LY75: variants seen among roughly 807,000 people sequenced by gnomAD.
LY75 encodes the protein lymphocyte antigen 75, also known as C-type lectin domain family 13 member B.
LY75 carries 185 observed loss-of-function variants against 231.7 expected under a neutral mutation model. That is an observed-to-expected ratio of 0.80 (90% CI 0.71 to 0.90). The LOEUF (loss-of-function observed/expected upper bound fraction) is 0.90. Ranked by LOEUF, LY75 falls within the 40% of genes least tolerant of loss-of-function variation. The probability of loss-of-function intolerance (pLI) is 0.00; values close to 1 mark genes in which losing one functional copy is unlikely to be tolerated. For synonymous variants in LY75, 668 were observed against 689.0 expected, an observed-to-expected ratio of 0.97 and a Z score of 0.48; for missense variants, 1,947 against 2,050.2, an observed-to-expected ratio of 0.95 and a Z score of 0.97.
intron 28 of LY75, among the ~76,000 whole-genome samples, chr2:159,824,923 C>A (rs1426665349): frequency 6.6e-6 from 1 of 152,092 alleles, no homozygotes; most frequent in Non-Finnish European, 1.5e-5. Context: ...AACAAAGACA[C>A]AACATATCAG....
At chr2:159,904,247 T>A (rs561958766) in intron 1 of LY75, among the ~76,000 whole-genome samples, 1 of 152,256 alleles carries the variant, frequency 6.6e-6, no homozygotes, top group Admixed American at 6.5e-5. Context: ...GGGAACCCCA[T>A]ACTCCAGCAA....
intron 25 of LY75, among the ~76,000 whole-genome samples, chr2:159,839,938 G>T (rs908881353): frequency 8.9e-5 from 13 of 146,062 alleles, no homozygotes; most frequent in African/African-American, 3.4e-4. Flanking sequence ...CCTTGGAGGT[G>T]GAGGTTGCAG....
chr2:159,898,736 A>G lies in LY75; in HGVS notation c.418T>C (p.Trp140Arg). 1 of 1,614,180 alleles carries G rather than the reference A, an allele frequency of 6.2e-7. No homozygotes were observed. The highest frequency in any genetic ancestry group is 8.5e-7 in the Non-Finnish European group (1 of 1,179,986). The stretch of plus-strand genomic sequence containing the variant: ...CTTTCCTCTGAGCCTCCTTTCTTCC[A>G]GACATCAGATGCATTTGAGATTGCT... ...GTAISNASDVWKKGGSEESLC... is the reference protein window; with the variant it reads ...GTAISNASDVRKKGGSEESLC... Residue 140 changes from tryptophan to arginine, a missense_variant, in exon 2 of 35, where the codon TGG (tryptophan) becomes CGG (arginine). Coordinates refer to ENST00000263636, the MANE Select transcript of LY75 (RefSeq NM_002349.4).
intron 1 of LY75, among the ~76,000 whole-genome samples, chr2:159,903,856 T>C (rs1007643380): frequency 7.2e-5 from 11 of 152,204 alleles, no homozygotes; most frequent in Admixed American, 6.5e-4. Context: ...TGAACATCAA[T>C]GAAGGCTGTC....
chr2:159,816,313 AGGTATAC>A (rs1165733888), intron 30 of LY75, among the ~76,000 whole-genome samples: 2 of 152,208 alleles, frequency 1.3e-5, no homozygotes, highest in African/African-American at 4.8e-5. Context: ...AGTGGGAAGA[AGGTATAC>A]GTTTATTAGT....
At chr2:159,867,305 T>C (rs1419877171) in intron 13 of LY75, among the ~76,000 whole-genome samples, 1 of 152,172 alleles carries the variant, frequency 6.6e-6, no homozygotes, top group African/African-American at 2.4e-5. Flanking sequence ...GGAAAATATT[T>C]CCTCAATTGT....
At chr2:159,875,009 T>C (rs1199003040) in intron 12 of LY75, among the ~76,000 whole-genome samples, 4 of 143,612 alleles carry the variant, frequency 2.8e-5, no homozygotes, top group East Asian at 2.0e-4. Context: ...ATATATTGTA[T>C]ATATAAATAT....
chr2:159,857,437 A>G (rs1236542237), intron 16 of LY75, among the ~76,000 whole-genome samples: 1 of 152,152 alleles, frequency 6.6e-6, no homozygotes, highest in East Asian at 1.9e-4. Context: ...CATACAGCCA[A>G]TCTCTGCTTA....
intron 33 of LY75, among the ~76,000 whole-genome samples, chr2:159,807,353 A>G (rs1357355814): frequency 6.6e-6 from 1 of 152,266 alleles, no homozygotes; most frequent in African/African-American, 2.4e-5. Flanking sequence ...AGTGACTACT[A>G]TATTGGACAG....
chr2:159,880,140 A>C (rs1358886640), intron 8 of LY75, among the ~76,000 whole-genome samples: 1 of 152,168 alleles, frequency 6.6e-6, no homozygotes, highest in Non-Finnish European at 1.5e-5. Flanking sequence ...GCTTCCACTT[A>C]AGTCTCTTTA....
intron 3 of LY75, among the ~76,000 whole-genome samples, chr2:159,892,572 A>G (rs896403813): frequency 1.3e-5 from 2 of 152,212 alleles, no homozygotes; most frequent in Non-Finnish European, 2.9e-5. Context: ...AGTATTAACT[A>G]TTATTACTTA....
rs114865563 is a variant in LY75 at position 159,878,892 on chromosome 2, C to T, written c.1516-171G>A. On this transcript the variant is annotated intron_variant, in intron 9 of 34. Coordinates refer to ENST00000263636, the MANE Select transcript of LY75 (RefSeq NM_002349.4). The stretch of plus-strand genomic sequence containing the variant: ...GGGATGCAATTTCACAGATAACCTC[C>T]ACAAGACTGTGGGCCTGTGTCAGAC... Among the ~76,000 whole-genome samples the T allele has an allele frequency of 3.4e-3, 518 of 152,248 alleles. 3 individuals carry two copies. The highest frequency in any genetic ancestry group is 0.012 in the African/African-American group (509 of 41,548).
At chr2:159,881,998 A>T in intron 7 of LY75, 126 bp downstream of exon 7, 1 of 1,155,240 alleles carries the variant, frequency 8.7e-7, no homozygotes, top group Non-Finnish European at 1.2e-6. Flanking sequence ...CACCAGAGAC[A>T]ATCCTATCTG....
In LY75 at chr2:159,850,131, G is replaced by A. The variant is rs115453277; in HGVS notation, c.2999C>T (p.Thr1000Ile). ...AGCTTCCATATCCGGAAGCAAGGAT[G>A]TAATAAAGTCTGTTAGAAAGAGATT... is the stretch of plus-strand genomic sequence containing the variant. ...VLSQIEQDFITSLLPDMEATL... is the reference protein window; with the variant it reads ...VLSQIEQDFIISLLPDMEATL... The change falls in exon 23 of 35, where the codon ACA (threonine) becomes ATA (isoleucine). Residue 1000 changes from threonine (T) to isoleucine (I), a missense_variant. Transcript: ENST00000263636. 3.0e-4 allele frequency: 487 copies of A among 1,606,916 alleles called. 2 individuals are homozygous for A. The African/African-American group carries it at 5.7e-3, about 19-fold the overall frequency.
Position 159,852,370 on chromosome 2 carries a change from G to T in LY75, c.2744-30C>A, listed in dbSNP as rs780362509. 2.5e-6 allele frequency: 4 copies of T among 1,588,398 alleles called. No homozygotes were observed. The Admixed American group carries it at 7.4e-5, about 29-fold the overall frequency. On this transcript the variant is annotated intron_variant, in intron 20 of 34. Transcript: ENST00000263636. ...GAAATGAAAAGCCAGGATTACTATG[G>T]TGAGAATTTTTCAGTCAGTACATTT...
At chr2:159,813,503 T>C (rs147567148) in intron 31 of LY75, among the ~76,000 whole-genome samples, 202 of 152,274 alleles carry the variant, frequency 1.3e-3, no homozygotes, top group African/African-American at 4.5e-3. Flanking sequence ...TTGGTTTTCA[T>C]TGGAGGCTGT....
chr2:159,904,140 C>T (rs1301901971), intron 1 of LY75, among the ~76,000 whole-genome samples: 1 of 152,230 alleles, frequency 6.6e-6, no homozygotes, highest in Non-Finnish European at 1.5e-5. Context: ...GAATCCTTGG[C>T]GCTGTGGGTG....
At chr2:159,809,083 G>GTA in intron 32 of LY75, among the ~76,000 whole-genome samples, 1 of 152,070 alleles carries the variant, frequency 6.6e-6, no homozygotes, top group Non-Finnish European at 1.5e-5. Flanking sequence ...GTGTATTCAG[G>GTA]TATAAAACCG....
chr2:159,888,129 G>T (rs1685647855), intron 4 of LY75, among the ~76,000 whole-genome samples: 1 of 152,120 alleles, frequency 6.6e-6, no homozygotes. Context: ...AAGAAAGGAG[G>T]TCTGAATAAA....
Sources: allele counts gnomAD v4.1 joint callset (sites outside exome capture counted in the v4.1 genomes callset), GRCh38; gene constraint gnomAD v4.1.1; transcripts MANE v1.5; gene names NCBI Gene and HGNC (gene_info 2026-07-23, HGNC 2026-07-21).